USP25: variants seen among roughly 807,000 people sequenced by gnomAD.
USP25 encodes ubiquitin specific peptidase 25.
In USP25, 85 loss-of-function variants were observed where a neutral mutation model predicts 158.5. That is an observed-to-expected ratio of 0.54 (90% confidence interval 0.45 to 0.64). The LOEUF is 0.64. Ranked by LOEUF, USP25 falls within the 30% of genes least tolerant of loss-of-function variation. The pLI, the probability that USP25 is intolerant of heterozygous loss-of-function variation, is 0.00. For synonymous variants in USP25, 464 were observed against 460.4 expected (o/e 1.01, Z -0.10); for missense variants, 1,242 against 1,327.3 (o/e 0.94, Z 1.00).
At chr21:15,789,184 A>G (rs2035456702) in intron 4 of USP25, among the ~76,000 whole-genome samples, 1 of 152,092 alleles carries the variant, frequency 6.6e-6, no homozygotes, top group African/African-American at 2.4e-5. Context: ...GTTTACATTA[A>G]ATATTTTGTA....
At chr21:15,775,143 T>G (rs141096187) in intron 3 of USP25, among the ~76,000 whole-genome samples, 360 of 152,336 alleles carry the variant, frequency 2.4e-3, no homozygotes, top group African/African-American at 8.2e-3. Context: ...TTTCAGTGAT[T>G]TCATTTATAA....
At chr21:15,797,369 A>G in intron 5 of USP25, among the ~76,000 whole-genome samples, 1 of 151,428 alleles carries the variant, frequency 6.6e-6, no homozygotes, top group East Asian at 1.9e-4. Context: ...AAATCCTAAA[A>G]GTTGCAAGGT....
intron 4 of USP25, among the ~76,000 whole-genome samples, chr21:15,787,762 C>T (rs983938799): frequency 3.3e-5 from 5 of 151,548 alleles, no homozygotes; most frequent in Admixed American, 6.6e-5. Flanking sequence ...ATCTATACAG[C>T]TTAAAGTGTA....
At chr21:15,773,559 A>G (rs1013619652) in intron 3 of USP25, among the ~76,000 whole-genome samples, 2 of 151,962 alleles carry the variant, frequency 1.3e-5, no homozygotes, top group Non-Finnish European at 2.9e-5. Flanking sequence ...TTTGCCAGTT[A>G]TTTCAAAAAA....
At chr21:15,759,452 A>G (rs576427558) in intron 1 of USP25, among the ~76,000 whole-genome samples, 11 of 152,316 alleles carry the variant, frequency 7.2e-5, no homozygotes, top group African/African-American at 1.9e-4. Context: ...GATACATAAT[A>G]TATCAGTCAA....
At chr21:15,813,687 T>G (rs962883806) in intron 9 of USP25, among the ~76,000 whole-genome samples, 11 of 152,180 alleles carry the variant, frequency 7.2e-5, no homozygotes, top group South Asian at 4.1e-4. Flanking sequence ...TTAAAAACGT[T>G]ATCCCCTCCC....
At chr21:15,803,957 G>A (rs765262067) in intron 6 of USP25, among the ~76,000 whole-genome samples, 4 of 151,888 alleles carry the variant, frequency 2.6e-5, no homozygotes, top group Non-Finnish European at 4.4e-5. Context: ...ATTTTACAGT[G>A]TTGAGAATGC....
chr21:15,817,758 C>T (rs1260580678), intron 9 of USP25, among the ~76,000 whole-genome samples: 3 of 151,502 alleles, frequency 2.0e-5, no homozygotes, highest in Non-Finnish European at 4.4e-5. Context: ...TATTCACTAC[C>T]ACGAGAACGG....
At chr21:15,827,252 G>A in intron 14 of USP25, 49 bp downstream of exon 14, 2 of 1,413,126 alleles carry the variant, frequency 1.4e-6, no homozygotes, top group Non-Finnish European at 2.0e-6. Flanking sequence ...ATGGATATGT[G>A]TAATGTTAAT....
At chr21:15,799,268 T>C (rs764841382) in intron 5 of USP25, among the ~76,000 whole-genome samples, 2 of 151,296 alleles carry the variant, frequency 1.3e-5, no homozygotes, top group Non-Finnish European at 3.0e-5. Context: ...GACATTTCTA[T>C]TACATGTCTG....
In USP25 at chr21:15,855,367, A is replaced by C. The variant is rs149547540; in HGVS notation, c.2547+5495A>C. ...TTATTCAATAGATATAAAAATGTTT[A>C]TTAGAATATAAAACATGTTGAAAAG... is the stretch of plus-strand genomic sequence containing the variant. On this transcript the variant is annotated intron_variant, in intron 20 of 25. Coordinates refer to ENST00000400183, the MANE Select transcript of USP25 (RefSeq NM_001283041.3). Among the ~76,000 whole-genome samples the C allele has an allele frequency of 1.6e-3, 245 of 152,260 alleles. 2 individuals carry two copies. Among genetic ancestry groups the C allele is most frequent in the African/African-American group, 5.8e-3 (239 of 41,552 alleles).
At chr21:15,746,053 A>G (rs1190072619) in intron 1 of USP25, among the ~76,000 whole-genome samples, 1 of 152,288 alleles carries the variant, frequency 6.6e-6, no homozygotes, top group Non-Finnish European at 1.5e-5. Context: ...GTTCCTTTCT[A>G]TCCTTATGTG....
chr21:15,864,314 A>G lies in USP25; in HGVS notation c.2594A>G (p.Asp865Gly). The G allele has an allele frequency of 6.2e-7, 1 of 1,611,816 alleles. No homozygotes were observed. The highest frequency in any genetic ancestry group is 8.5e-7 in the Non-Finnish European group (1 of 1,179,436). ...AGGTTGGTTAAGTTGGCCCAAGAAG[A>G]CACCCCACCAGAAACCGATTATCGT... Reference protein sequence around the residue: ...YARLVKLAQEDTPPETDYRLH... With the variant: ...YARLVKLAQEGTPPETDYRLH... The change falls in exon 21 of 26, where the codon GAC becomes GGC. Residue 865 changes from aspartate to glycine, a missense_variant. By Grantham distance (94) the Asp-to-Gly change is moderately conservative. Coordinates refer to ENST00000400183, the MANE Select transcript of USP25 (RefSeq NM_001283041.3).
At chr21:15,869,733 A>G (rs116865642) in intron 22 of USP25, among the ~76,000 whole-genome samples, 2,286 of 152,304 alleles carry the variant, frequency 0.015, 24 homozygotes, top group Non-Finnish European at 0.025. Flanking sequence ...TGTAGATATA[A>G]TAATAGTTCA....
intron 24 of USP25, chr21:15,877,504 G>A (rs1601208619): frequency 4.7e-6 from 1 of 214,022 alleles, no homozygotes; most frequent in East Asian, 1.0e-4. Context: ...AATCTCTAGA[G>A]AAGAAAAAAT....
intron 21 of USP25, 126 bp from the exon 22 acceptor site, chr21:15,866,140 G>C (rs369524895): frequency 4.5e-6 from 2 of 442,426 alleles, no homozygotes; most frequent in African/African-American, 4.1e-5. Context: ...TTTAGGAGTT[G>C]TTTCTATACA....
At chr21:15,809,473 C>G (rs904094186) in intron 8 of USP25, among the ~76,000 whole-genome samples, 3 of 152,120 alleles carry the variant, frequency 2.0e-5, no homozygotes, top group Admixed American at 1.3e-4. Context: ...AACACCCCCC[C>G]CAACCCCTAC....
At chr21:15,730,475 C>A (rs1004410261) in intron 1 of USP25, 37 bp downstream of exon 1, 11 of 1,327,452 alleles carry the variant, frequency 8.3e-6, no homozygotes, top group African/African-American at 1.5e-5. Context: ...CCCCACTTCT[C>A]CTTCCGACGG....
chr21:15,807,147 C>G (rs993619276), intron 7 of USP25, among the ~76,000 whole-genome samples: 1 of 152,110 alleles, frequency 6.6e-6, no homozygotes, highest in Non-Finnish European at 1.5e-5. Context: ...AGCCTGGTCT[C>G]GAACTCCTGG....
Sources: gnomAD v4.1 joint callset for allele counts (sites outside exome capture counted in the v4.1 genomes callset) on GRCh38, gnomAD v4.1.1 for gene constraint, MANE v1.5 for transcripts, NCBI Gene and HGNC (gene_info 2026-07-23, HGNC 2026-07-21) for gene names.